Variants in DST observed in about 807,000 individuals in gnomAD.
The protein encoded by DST is bullous pemphigoid antigen.
In DST, 253 loss-of-function variants were observed where a neutral mutation model predicts 875.2. The observed-to-expected ratio is 0.29, with a 90% CI of 0.26 to 0.32. The LOEUF (loss-of-function observed/expected upper bound fraction) is 0.32. Among genes scored for constraint, DST ranks in the 10% least tolerant of loss-of-function variants. The pLI, the probability that DST is intolerant of heterozygous loss-of-function variation, is 1.00. For missense variants in DST, 8,287 were observed against 9,111.6 expected, an observed-to-expected ratio of 0.91 and a Z score of 3.68; for synonymous variants, 3,124 against 3,197.1, an observed-to-expected ratio of 0.98 and a Z score of 0.77.
At chr6:56,588,365 G>T (rs1230579526) in intron 49 of DST, among the ~76,000 whole-genome samples, 2 of 152,092 alleles carry the variant, frequency 1.3e-5, no homozygotes, top group Non-Finnish European at 2.9e-5. Context: ...CCGCCATCCT[G>T]AACTTGGCTC....
chr6:56,774,568 G>A (rs1421903392), intron 4 of DST, among the ~76,000 whole-genome samples: 1 of 152,108 alleles, frequency 6.6e-6, no homozygotes, highest in Non-Finnish European at 1.5e-5. Context: ...TATCTTTTCA[G>A]ACATTTATAT....
At chr6:56,494,867 G>A (rs1352397061) in intron 82 of DST, among the ~76,000 whole-genome samples, 1 of 151,830 alleles carries the variant, frequency 6.6e-6, no homozygotes, top group Non-Finnish European at 1.5e-5. Context: ...ATTAAGACTA[G>A]TTCTATTTTA....
intron 3 of DST, among the ~76,000 whole-genome samples, chr6:56,881,512 AT>A (rs1044716059): frequency 3.7e-4 from 56 of 152,254 alleles, no homozygotes; most frequent in African/African-American, 1.3e-3. Context: ...ACAAGTGAAA[AT>A]TAGAATATAA....
intron 4 of DST, among the ~76,000 whole-genome samples, chr6:56,755,408 TTAA>T (rs1308749370): frequency 6.6e-6 from 1 of 152,226 alleles, no homozygotes; most frequent in African/African-American, 2.4e-5. Flanking sequence ...GAAACTAGTA[TTAA>T]TAAAATCACA....
chr6:56,698,921 C>T (rs2099278331), intron 9 of DST, among the ~76,000 whole-genome samples: 2 of 152,186 alleles, frequency 1.3e-5, no homozygotes, highest in South Asian at 4.1e-4. Context: ...ATAGTGAGCA[C>T]AGTACCCAAT....
chr6:56,872,832 C>CTTTTT (rs1554220821), intron 3 of DST, among the ~76,000 whole-genome samples: 1 of 127,860 alleles, frequency 7.8e-6, no homozygotes, highest in African/African-American at 2.8e-5. Context: ...TCCCCCCCCC[C>CTTTTT]TTTTTTTTTT....
At chr6:56,626,118 A>C (rs2098732761) in intron 34 of DST, among the ~76,000 whole-genome samples, 1 of 152,158 alleles carries the variant, frequency 6.6e-6, no homozygotes, top group African/African-American at 2.4e-5. Flanking sequence ...AAGGTTAAAA[A>C]AATTACAAGT....
chr6:56,900,377 G>A, intron 3 of DST, 44 bp downstream of exon 3: 8 of 1,298,216 alleles, frequency 6.2e-6, no homozygotes, highest in Non-Finnish European at 7.2e-6. Flanking sequence ...CACATGATTT[G>A]ACAGTGAATT....
chr6:56,723,830 T>C (rs975738647), intron 5 of DST, among the ~76,000 whole-genome samples: 7 of 152,216 alleles, frequency 4.6e-5, no homozygotes, highest in Non-Finnish European at 7.3e-5. Context: ...TTTAGTATGC[T>C]AATGTGTACC....
At chr6:56,827,773 G>A (rs1362635173) in intron 4 of DST, among the ~76,000 whole-genome samples, 1 of 152,138 alleles carries the variant, frequency 6.6e-6, no homozygotes, top group Non-Finnish European at 1.5e-5. Flanking sequence ...AAGCAGGGGC[G>A]GAAGAGTTGG....
At chr6:56,501,286 G>A in intron 79 of DST, 51 bp from the exon 80 acceptor site, 2 of 1,519,080 alleles carry the variant, frequency 1.3e-6, no homozygotes, top group African/African-American at 1.4e-5. Flanking sequence ...TATTATGAAT[G>A]ACATGTCTAT....
At chr6:56,621,915 A>G (rs77268799) in intron 36 of DST, among the ~76,000 whole-genome samples, 2,355 of 152,278 alleles carry the variant, frequency 0.015, 50 homozygotes, top group African/African-American at 0.053. Flanking sequence ...TTGATCTCCA[A>G]TAATTTTGAT....
intron 3 of DST, among the ~76,000 whole-genome samples, chr6:56,893,439 T>C (rs1001414990): frequency 1.3e-5 from 2 of 152,162 alleles, no homozygotes; most frequent in Non-Finnish European, 2.9e-5. Context: ...AATTTTGGAA[T>C]TGTGAATTGT....
intron 73 of DST, 99 bp from the exon 74 acceptor site, chr6:56,509,972 T>G: frequency 2.1e-6 from 2 of 954,960 alleles, no homozygotes; most frequent in South Asian, 3.7e-5. Context: ...AATGTCAGAA[T>G]TAAGAATAAA....
chr6:56,658,514 A>G (rs2099022210), intron 10 of DST, among the ~76,000 whole-genome samples: 1 of 152,250 alleles, frequency 6.6e-6, no homozygotes, highest in African/African-American at 2.4e-5. Flanking sequence ...TGATTTACCC[A>G]AGATCTCAAG....
Position 56,501,658 on chromosome 6 carries a change from T to C in DST, c.19602A>G (p.Glu6534=). ...FKSEAYQQQI[E]MERLNHQAEL... is the part of the protein sequence containing the mutation. ...CTGCTTGATGATTCAGTCTTTCCAT[T>C]TCTATCTGCTGTTGATAGGCCTCAG... The change falls in exon 79 of 104, where the codon GAA becomes GAG. Residue 6534 remains glutamate, a synonymous_variant. Coordinates refer to ENST00000680361, the MANE Select transcript of DST (RefSeq NM_001374736.1). The C allele has an allele frequency of 6.2e-7, 1 of 1,607,348 alleles. No individual in the cohort carries two copies. Among genetic ancestry groups the C allele is most frequent in the African/African-American group, 1.3e-5 (1 of 74,670 alleles).
intron 3 of DST, among the ~76,000 whole-genome samples, chr6:56,877,268 T>C (rs1208057181): frequency 6.6e-6 from 1 of 152,174 alleles, no homozygotes; most frequent in Admixed American, 6.5e-5. Context: ...AATTTAGTTA[T>C]TTGGCCGGGC....
At chr6:56,722,391 TA>T (rs2099422363) in intron 5 of DST, among the ~76,000 whole-genome samples, 4 of 146,600 alleles carry the variant, frequency 2.7e-5, no homozygotes, top group Admixed American at 2.2e-4. Flanking sequence ...TTTATTTATT[TA>T]TTTATTTTTG....
chr6:56,683,872 G>A (rs1344287598), intron 9 of DST, among the ~76,000 whole-genome samples: 1 of 152,170 alleles, frequency 6.6e-6, no homozygotes, highest in Non-Finnish European at 1.5e-5. Flanking sequence ...AGAACCTAGT[G>A]TCAAGCAAGA....
Sources: gnomAD v4.1 joint callset for allele counts (sites outside exome capture counted in the v4.1 genomes callset) on GRCh38, gnomAD v4.1.1 for gene constraint, MANE v1.5 for transcripts, NCBI Gene and HGNC (gene_info 2026-07-23, HGNC 2026-07-21) for gene names.